The following SKIC2 variants were observed in gnomAD, a reference collection of about 807,000 sequenced individuals.
SKIC2 encodes the protein superkiller complex protein 2.
At chr6:31,961,292 G>A in the SKIC2 span, 3 of 1,607,178 alleles carry the variant, frequency 1.9e-6, no homozygotes, top group Middle Eastern at 5.0e-4. Context: ...GAGGCAGTGG[G>A]ACAGCCAGGA....
chr6:31,959,448 T>A, the SKIC2 span: 1 of 1,212,974 alleles, frequency 8.2e-7, no homozygotes, highest in South Asian at 1.2e-5. Context: ...AGTCCAAACC[T>A]CCTTCACCCT....
At chr6:31,966,675 C>T in the SKIC2 span, 1 of 1,613,000 alleles carries the variant, frequency 6.2e-7, no homozygotes, top group Non-Finnish European at 8.5e-7. The surrounding 1 kb of genome is among the most constrained non-coding windows in gnomAD (Gnocchi z 5.9). Flanking sequence ...TAGGTCCCAC[C>T]CTGATCTCAG....
the SKIC2 span, chr6:31,966,640 G>C: frequency 6.4e-7 from 1 of 1,573,100 alleles, no homozygotes; most frequent in Non-Finnish European, 8.7e-7. The surrounding 1 kb of genome is among the most constrained non-coding windows in gnomAD (Gnocchi z 5.9). Flanking sequence ...AGTAGGCCCA[G>C]TCCAGAAGAC....
At chr6:31,968,492 T>C in the SKIC2 span, 1 of 1,612,990 alleles carries the variant, frequency 6.2e-7, no homozygotes, top group Non-Finnish European at 8.5e-7. The surrounding 1 kb of genome is among the most constrained non-coding windows in gnomAD (Gnocchi z 6.1). Context: ...CTGGAGGAGC[T>C]GATCCAGGGG....
chr6:31,963,192 T>G, the SKIC2 span: 1 of 896,066 alleles, frequency 1.1e-6, no homozygotes, highest in Non-Finnish European at 1.8e-6. The surrounding 1 kb of genome is among the most constrained non-coding windows in gnomAD (Gnocchi z 5.3). Flanking sequence ...CGGTCAGGCC[T>G]TAGGGGTGAT....
the SKIC2 span, chr6:31,960,603 G>T: frequency 2.5e-6 from 4 of 1,580,798 alleles, no homozygotes; most frequent in East Asian, 2.2e-5. Context: ...CCAGGGAAGG[G>T]TTCCCCACCT....
chr6:31,959,461 T>G, the SKIC2 span: 8 of 1,139,356 alleles, frequency 7.0e-6, no homozygotes, highest in Non-Finnish European at 1.1e-5. Flanking sequence ...TTCACCCTCC[T>G]CACAGTAGGA....
chr6:31,959,273 CT>C, the SKIC2 span: 95 of 1,607,982 alleles, frequency 5.9e-5, no homozygotes, highest in East Asian at 1.6e-3. Flanking sequence ...ACTTTGACCC[CT>C]GACTTTTGAC....
chr6:31,966,772 C>T, the SKIC2 span: 30 of 1,613,972 alleles, frequency 1.9e-5, no homozygotes, highest in Non-Finnish European at 2.5e-5. The surrounding 1 kb of genome is among the most constrained non-coding windows in gnomAD (Gnocchi z 5.9). Flanking sequence ...CAACTTGCTG[C>T]GAGTGGATGC....
At chr6:31,966,940 TG>T in the SKIC2 span, 73 of 1,612,916 alleles carry the variant, frequency 4.5e-5, no homozygotes, top group African/African-American at 9.4e-4. This position sits in a 1 kb window ranked among gnomAD's most constrained non-coding sequence, Gnocchi z 5.9. Context: ...GTGTTGAGGG[TG>T]GGGAGTGTGA....
At chr6:31,960,352 G>A in the SKIC2 span, 1 of 1,608,298 alleles carries the variant, frequency 6.2e-7, no homozygotes, top group Admixed American at 1.7e-5. Context: ...GAGGTCAGGG[G>A]TCATGAGAAA....
chr6:31,966,954 G>C, the SKIC2 span: 75 of 1,613,330 alleles, frequency 4.6e-5, 1 homozygote, highest in South Asian at 6.6e-4. This position sits in a 1 kb window ranked among gnomAD's most constrained non-coding sequence, Gnocchi z 5.9. Context: ...GAGTGTGACA[G>C]ATTGGGCCTG....
chr6:31,963,832 C>A, the SKIC2 span: 1 of 1,472,092 alleles, frequency 6.8e-7, no homozygotes, highest in Non-Finnish European at 9.4e-7. The surrounding 1 kb of genome is among the most constrained non-coding windows in gnomAD (Gnocchi z 5.3). Flanking sequence ...GCTTTGAGCA[C>A]TGCCCCAGTT....
At chr6:31,964,175 G>T in the SKIC2 span, 2 of 1,608,750 alleles carry the variant, frequency 1.2e-6, no homozygotes, top group Non-Finnish European at 1.7e-6. The surrounding 1 kb of genome is among the most constrained non-coding windows in gnomAD (Gnocchi z 5.0). Context: ...TGGCAGACTG[G>T]TGGGGATAGG....
chr6:31,967,151 T>A, the SKIC2 span: 1 of 1,608,510 alleles, frequency 6.2e-7, no homozygotes, highest in Non-Finnish European at 8.5e-7. This position sits in a 1 kb window ranked among gnomAD's most constrained non-coding sequence, Gnocchi z 4.9. Context: ...GGTGAGCAAG[T>A]GTGAGTGCTG....
chr6:31,964,140 G>C, the SKIC2 span: 2 of 1,611,394 alleles, frequency 1.2e-6, no homozygotes, highest in Non-Finnish European at 1.7e-6. The surrounding 1 kb of genome is among the most constrained non-coding windows in gnomAD (Gnocchi z 5.0). Context: ...GTCTGTGTGC[G>C]TCTGTGTGCG....
chr6:31,960,496 C>T, the SKIC2 span: 1 of 1,614,106 alleles, frequency 6.2e-7, no homozygotes, highest in Non-Finnish European at 8.5e-7. Flanking sequence ...CCTCCAGGGC[C>T]AGCCTCCCAG....
chr6:31,959,305 C>T, the SKIC2 span: 4 of 1,613,344 alleles, frequency 2.5e-6, no homozygotes, highest in African/African-American at 5.3e-5. Context: ...AGTGCTACCC[C>T]CTCCAGATCC....
the SKIC2 span, chr6:31,967,204 G>T: frequency 1.9e-6 from 3 of 1,608,768 alleles, no homozygotes; most frequent in South Asian, 3.3e-5. This position sits in a 1 kb window ranked among gnomAD's most constrained non-coding sequence, Gnocchi z 4.9. Context: ...TGTTACTCTA[G>T]GTGCTACTAA....
Sources: allele counts gnomAD v4.1 joint callset, GRCh38; gene constraint gnomAD v4.1.1; non-coding constraint Gnocchi (gnomAD v3.1); transcripts MANE v1.5; gene names NCBI Gene and HGNC (gene_info 2026-07-23, HGNC 2026-07-21).